UNC45B: variants seen among roughly 807,000 people sequenced by gnomAD.
UNC45B encodes unc-45 myosin chaperone B.
In UNC45B, 78 loss-of-function variants were observed where a neutral mutation model predicts 98.7. The ratio of observed to expected loss-of-function variants is 0.79; its 90% CI spans 0.66 to 0.95. The LOEUF is 0.95. Among genes scored for constraint, UNC45B ranks in the 40% least tolerant of loss-of-function variants. The probability of loss-of-function intolerance (pLI) is 0.00; values close to 1 mark genes in which losing one functional copy is unlikely to be tolerated. For synonymous variants in UNC45B, 462 were observed against 480.4 expected, an observed-to-expected ratio of 0.96 and a Z score of 0.50; for missense variants, 1,225 against 1,184.9, an observed-to-expected ratio of 1.03 and a Z score of -0.50.
At chr17:35,172,437 C>T (rs1035193213) in intron 13 of UNC45B, among the ~76,000 whole-genome samples, 2 of 152,088 alleles carry the variant, frequency 1.3e-5, no homozygotes, top group Admixed American at 6.6e-5. Flanking sequence ...TCAGTAGAAA[C>T]AGGGTTTCAC....
chr17:35,175,919 GA>G (rs1449200935), intron 14 of UNC45B, 48 bp from the exon 15 acceptor site: 1 of 1,570,360 alleles, frequency 6.4e-7, no homozygotes. Context: ...TGCTGCCTGG[GA>G]AGGTGTGCTG....
At position 35,162,991 on chromosome 17, in the gene UNC45B, C is replaced by G. The variant is rs138027681; in HGVS notation, c.980-1004C>G. On this transcript the variant is annotated intron_variant, in intron 8 of 19. Coordinates refer to ENST00000394570, the MANE Select transcript of UNC45B (RefSeq NM_001267052.2). The stretch of plus-strand genomic sequence containing the variant: ...ATAGTATAACAGCTAACATCACAGG[C>G]TTTGAAATCAGACGGGATTGGGAGC... 1.3e-3 allele frequency among the ~76,000 whole-genome samples: 205 copies of G among 152,312 alleles called. 1 individual carries two copies. Among genetic ancestry groups the G allele is most frequent in the African/African-American group, 4.9e-3 (202 of 41,574 alleles).
chr17:35,148,069 A>C (rs899777285), intron 1 of UNC45B, among the ~76,000 whole-genome samples, 159 bp downstream of exon 1: 1 of 152,174 alleles, frequency 6.6e-6, no homozygotes, highest in African/African-American at 2.4e-5. Context: ...AACTTGGGCC[A>C]AGCTCTGAGC....
At chr17:35,157,388 G>T (rs2092071276) in intron 7 of UNC45B, among the ~76,000 whole-genome samples, 1 of 152,024 alleles carries the variant, frequency 6.6e-6, no homozygotes, top group African/African-American at 2.4e-5. Context: ...TTTTAGTAGA[G>T]ACGGGGTTTT....
rs2092174140 is a variant in UNC45B at position 35,170,222 on chromosome 17, C to A, written c.1656C>A (p.Val552=). ...TGAAGGACGACTTTGTCCAGGACGTCCCTGCCCTGCAGGCCATGTTTGAGC... is the reference window on the plus strand; with the variant it reads ...TGAAGGACGACTTTGTCCAGGACGTACCTGCCCTGCAGGCCATGTTTGAGC... The part of the protein sequence containing the change: ...ADVKDDFVQD[V]PALQAMFELA... The change falls in exon 12 of 20, where the codon GTC becomes GTA. Residue 552 remains valine (V), a synonymous_variant. Coordinates refer to ENST00000394570, the MANE Select transcript of UNC45B (RefSeq NM_001267052.2). 6.2e-7 allele frequency: 1 copy of A among 1,613,000 alleles called. No homozygotes were observed. Among genetic ancestry groups the A allele is most frequent in the South Asian group, 1.1e-5 (1 of 91,010 alleles).
chr17:35,167,629 A>G, intron 9 of UNC45B, among the ~76,000 whole-genome samples: 1 of 151,618 alleles, frequency 6.6e-6, no homozygotes, highest in Admixed American at 6.6e-5. Context: ...AAAAAAAAAA[A>G]GAAAGAAAAA....
chr17:35,160,171 G>A lies in UNC45B; in HGVS notation c.979+626G>A, dbSNP rs563563804. The stretch of plus-strand genomic sequence containing the variant: ...GCACATGTTGGAAGAGAAAGGAGGA[G>A]GTAGGGGAATAGTCAAATAGTCAAT... On this transcript the variant is annotated intron_variant, in intron 8 of 19. Transcript: ENST00000394570. Among the ~76,000 whole-genome samples, 6 of 152,162 alleles carry A rather than the reference G, an allele frequency of 3.9e-5. No homozygotes were observed. The South Asian group carries it at 1.2e-3, about 32-fold the overall frequency.
Position 35,169,931 on chromosome 17 carries a change from A to G in UNC45B, c.1547A>G (p.Lys516Arg), listed in dbSNP as rs1159201413. 6.2e-7 allele frequency: 1 copy of G among 1,614,186 alleles called. No individual in the cohort carries two copies. The highest frequency in any genetic ancestry group is 8.5e-7 in the Non-Finnish European group (1 of 1,180,032). Residue 516 changes from lysine to arginine, a missense_variant and splice_region_variant, in exon 11 of 20, where the codon AAG becomes AGG. Coordinates refer to ENST00000394570, the MANE Select transcript of UNC45B (RefSeq NM_001267052.2). ...GAAAAACTGGCCAAACAGTGTCGCA[A>G]GTAAGGGGGCTGTGTTTCCCAGGCC... ...STEKLAKQCRKWLCNMSIDTR... is the reference protein window; with the variant it reads ...STEKLAKQCRRWLCNMSIDTR...
chr17:35,167,922 G>A, intron 9 of UNC45B, 139 bp from the exon 10 acceptor site: 1 of 674,862 alleles, frequency 1.5e-6, no homozygotes, highest in Non-Finnish European at 2.2e-6. Flanking sequence ...GCTCAGAGAG[G>A]TTCGCTGAAT....
intron 4 of UNC45B, among the ~76,000 whole-genome samples, chr17:35,151,869 C>T (rs1440181173): frequency 2.0e-5 from 3 of 151,130 alleles, no homozygotes; most frequent in Admixed American, 6.6e-5. Context: ...GAGGCCAAGG[C>T]GGGAGGATCA....
chr17:35,170,725 A>G (rs1029327612), intron 12 of UNC45B, among the ~76,000 whole-genome samples: 8 of 151,920 alleles, frequency 5.3e-5, no homozygotes, highest in African/African-American at 1.7e-4. Context: ...AATCCCAGCT[A>G]CTCGGGAGGC....
At chr17:35,156,668 C>A (rs1216316620) in intron 7 of UNC45B, among the ~76,000 whole-genome samples, 1 of 151,712 alleles carries the variant, frequency 6.6e-6, no homozygotes, top group African/African-American at 2.4e-5. Flanking sequence ...TAAATTTTAC[C>A]ACAGCTTAAA....
Position 35,155,388 on chromosome 17 carries a change from G to T in UNC45B, c.732G>T (p.Leu244=). 1.9e-6 allele frequency: 3 copies of T among 1,614,202 alleles called. No individual in the cohort carries two copies. The highest frequency in any genetic ancestry group is 2.5e-6 in the Non-Finnish European group (3 of 1,180,040). The part of the protein sequence containing the change: ...NEEMSLAVCN[L]LQAIIDSLSG... ...AGATGTCTCTGGCTGTCTGCAACCT[G>T]CTCCAAGCCATCATTGACTCCTTGT... Residue 244 remains leucine, a synonymous_variant, in exon 7 of 20, where the codon CTG becomes CTT. Transcript: ENST00000394570.
chr17:35,173,399 T>G (rs1439313082), intron 13 of UNC45B, among the ~76,000 whole-genome samples: 1 of 152,162 alleles, frequency 6.6e-6, no homozygotes, highest in Non-Finnish European at 1.5e-5. Context: ...GTGCTGGAAT[T>G]ACAGGCGGGA....
chr17:35,180,540 C>T lies in UNC45B; in HGVS notation c.2256-19C>T. On this transcript the variant is annotated intron_variant, in intron 17 of 19. Transcript: ENST00000394570. ...GCAGAAGACTCAAGGGTCTTTCTTC[C>T]TCCACCCTCCTACCCTAGGCAGAAG... The T allele has an allele frequency of 6.2e-7, 1 of 1,603,518 alleles. No individual in the cohort carries two copies.
Position 35,169,867 on chromosome 17 carries a change from A to G in UNC45B, c.1483A>G (p.Thr495Ala), listed in dbSNP as rs761514739. The G allele has an allele frequency of 1.9e-6, 3 of 1,614,172 alleles. No individual in the cohort carries two copies. Among genetic ancestry groups the G allele is most frequent in the South Asian group, 2.2e-5 (2 of 91,082 alleles). ...GLCKLGSAGG[T>A]DYGLRQFAEG... ...CTGTAAGCTCGGCTCTGCAGGTGGC[A>G]CAGACTACGGTCTCAGGCAGTTTGC... The change falls in exon 11 of 20, where the codon ACA becomes GCA. Residue 495 changes from threonine to alanine, a missense_variant. Thr to Ala is a moderately conservative substitution (Grantham distance 58). Coordinates refer to ENST00000394570, the MANE Select transcript of UNC45B (RefSeq NM_001267052.2).
Position 35,174,222 on chromosome 17 carries a change from C to A in UNC45B, c.1831-20C>A, listed in dbSNP as rs377281778. ...TGGCACCCAGGACCCTCCCACATTG[C>A]CATCTTTTCATCTCCTCAGGACAAG... On this transcript the variant is annotated intron_variant, in intron 13 of 19. Coordinates refer to ENST00000394570, the MANE Select transcript of UNC45B (RefSeq NM_001267052.2). 1 of 1,613,848 alleles carries A rather than the reference C, an allele frequency of 6.2e-7. No individual in the cohort carries two copies. Among genetic ancestry groups the A allele is most frequent in the African/African-American group, 1.3e-5 (1 of 74,910 alleles).
At chr17:35,167,520 G>A (rs1480027901) in intron 9 of UNC45B, among the ~76,000 whole-genome samples, 1 of 151,998 alleles carries the variant, frequency 6.6e-6, no homozygotes, top group African/African-American at 2.4e-5. Flanking sequence ...TGCTCAGGAG[G>A]CTGAGGTGGG....
At chr17:35,169,037 C>G (rs1242647462) in intron 10 of UNC45B, among the ~76,000 whole-genome samples, 1 of 151,628 alleles carries the variant, frequency 6.6e-6, no homozygotes, top group African/African-American at 2.4e-5. Context: ...TTTTTTCAGA[C>G]AGAGTCTCCC....
Sources: allele counts gnomAD v4.1 joint callset (sites outside exome capture counted in the v4.1 genomes callset), GRCh38; gene constraint gnomAD v4.1.1; transcripts MANE v1.5; gene names NCBI Gene and HGNC (gene_info 2026-07-23, HGNC 2026-07-21).